TRIM2: variants seen among roughly 807,000 people sequenced by gnomAD.
TRIM2 encodes tripartite motif-containing protein 2.
In TRIM2, 20 loss-of-function variants were observed where a neutral mutation model predicts 75.2. The ratio of observed to expected loss-of-function variants is 0.27; its 90% CI spans 0.19 to 0.39. TRIM2 has a LOEUF of 0.39. Ranked by LOEUF, TRIM2 falls within the 10% of genes least tolerant of loss-of-function variation. TRIM2 has a pLI of 1.00. For synonymous variants in TRIM2, 373 were observed against 388.3 expected, an observed-to-expected ratio of 0.96 and a Z score of 0.46; for missense variants, 660 against 990.8, an observed-to-expected ratio of 0.67 and a Z score of 4.48.
At chr4:153,227,472 A>G (rs934716025) in intron 1 of TRIM2, among the ~76,000 whole-genome samples, 2 of 152,256 alleles carry the variant, frequency 1.3e-5, no homozygotes, top group South Asian at 2.1e-4. Flanking sequence ...ACACAAAGAC[A>G]GAACTGTCTC....
Position 153,336,774 on chromosome 4 carries a change from T to C in TRIM2, c.*1808T>C, listed in dbSNP as rs1772499918. 1.0e-6 allele frequency: 1 copy of C among 985,588 alleles called. No individual in the cohort carries two copies. Among genetic ancestry groups the C allele is most frequent in the Non-Finnish European group, 1.2e-6 (1 of 829,770 alleles). The allele number at this position is 985,588 out of a possible 1,614,324, so 61.1% of individuals were successfully genotyped here. A position where few individuals can be genotyped will look rare whatever the true frequency, so the allele number is the denominator to read the frequency against. ...TTCAAATTGTCTGTTAAATTTATTA[T>C]GCCCAAATCAACCTCTGAAAAAAGG... On this transcript the variant is annotated 3_prime_UTR_variant, in exon 12 of 12. Coordinates refer to ENST00000338700, the MANE Select transcript of TRIM2 (RefSeq NM_015271.5).
intron 6 of TRIM2, among the ~76,000 whole-genome samples, chr4:153,299,265 A>G (rs1390223265): frequency 6.6e-6 from 1 of 152,142 alleles, no homozygotes; most frequent in African/African-American, 2.4e-5. Context: ...TGTGCCTGGC[A>G]TAATGTCCTC....
At chr4:153,333,704 A>G (rs1771994834) in intron 11 of TRIM2, among the ~76,000 whole-genome samples, 1 of 152,230 alleles carries the variant, frequency 6.6e-6, no homozygotes. Context: ...CCAAATACAG[A>G]TCAAAAATTT....
intron 6 of TRIM2, 59 bp downstream of exon 6, chr4:153,296,095 G>T: frequency 1.3e-6 from 2 of 1,493,630 alleles, no homozygotes; most frequent in Non-Finnish European, 1.8e-6. Context: ...GGGTAACTGG[G>T]CACGTGTCAT....
At chr4:153,260,243 T>G (rs529404885) in intron 1 of TRIM2, among the ~76,000 whole-genome samples, 1 of 152,158 alleles carries the variant, frequency 6.6e-6, no homozygotes, top group Admixed American at 6.5e-5. Context: ...AGCCTCTTTG[T>G]GTAGTCCCCA....
intron 11 of TRIM2, among the ~76,000 whole-genome samples, chr4:153,332,054 G>T (rs1771591699): frequency 6.6e-6 from 1 of 152,184 alleles, no homozygotes; most frequent in South Asian, 2.1e-4. Context: ...AATGTTTGAG[G>T]AGATAAACTT....
At chr4:153,156,076 G>T (rs1729203184) in intron 1 of TRIM2, among the ~76,000 whole-genome samples, 1 of 152,162 alleles carries the variant, frequency 6.6e-6, no homozygotes, top group Non-Finnish European at 1.5e-5. Context: ...ACTAATTAAG[G>T]GTAAAGCATT....
chr4:153,206,491 G>A (rs1286067078), intron 1 of TRIM2, among the ~76,000 whole-genome samples: 1 of 152,176 alleles, frequency 6.6e-6, no homozygotes, highest in East Asian at 1.9e-4. Flanking sequence ...CAGGTGAAGA[G>A]ATGGCTAGGG....
At chr4:153,224,651 T>C (rs1741643150) in intron 1 of TRIM2, among the ~76,000 whole-genome samples, 1 of 152,244 alleles carries the variant, frequency 6.6e-6, no homozygotes, top group Admixed American at 6.5e-5. Context: ...ATTCCTGCCT[T>C]TATTTTCCTG....
rs1378548198 is a variant in TRIM2, at chr4:153,322,764, G to A, written c.1899G>A (p.Gly633=). 6.2e-7 allele frequency: 1 copy of A among 1,614,084 alleles called. No individual in the cohort carries two copies. The highest frequency in any genetic ancestry group is 8.5e-7 in the Non-Finnish European group (1 of 1,180,046). Residue 633 remains glycine (G), a synonymous_variant, in exon 9 of 12, where the codon GGG becomes GGA. Transcript: ENST00000338700. ...GCGTGTTTATCTTCCAGCCAAACGGGAAAATAGTCACCAGGTTTGGTAGCC... is the reference window on the plus strand; with the variant it reads ...GCGTGTTTATCTTCCAGCCAAACGGAAAAATAGTCACCAGGTTTGGTAGCC... The part of the protein sequence containing the change: ...ACCVFIFQPN[G]KIVTRFGSRG...
chr4:153,165,150 C>G (rs747154366), intron 1 of TRIM2, among the ~76,000 whole-genome samples: 3 of 152,108 alleles, frequency 2.0e-5, no homozygotes, highest in Non-Finnish European at 2.9e-5. Flanking sequence ...TTATTTCCGC[C>G]CCAAGATGCT....
chr4:153,322,150 C>T (rs1409961500), intron 8 of TRIM2, among the ~76,000 whole-genome samples: 1 of 151,664 alleles, frequency 6.6e-6, no homozygotes, highest in Non-Finnish European at 1.5e-5. Flanking sequence ...GGGCTCATGC[C>T]TGTAATCCCA....
At chr4:153,239,832 CTCT>C (rs1317130736) in intron 1 of TRIM2, among the ~76,000 whole-genome samples, 12 of 139,438 alleles carry the variant, frequency 8.6e-5, no homozygotes, top group African/African-American at 3.2e-4. Context: ...AACTTTCTTT[CTCT>C]TTTTTTTTTT....
chr4:153,244,349 TTCTTCC>T (rs1560874188), intron 1 of TRIM2, among the ~76,000 whole-genome samples: 368 of 30,344 alleles, frequency 0.012, 10 homozygotes, highest in African/African-American at 0.015. Flanking sequence ...CTTCTTCTTC[TTCTTCC>T]TCTTCTTCTT....
chr4:153,203,252 C>T (rs1276100432), upstream of TRIM2, among the ~76,000 whole-genome samples: 1 of 151,898 alleles, frequency 6.6e-6, no homozygotes, highest in Non-Finnish European at 1.5e-5. Flanking sequence ...ATTATAGGTG[C>T]AAGCCTGTAA....
intron 6 of TRIM2, among the ~76,000 whole-genome samples, chr4:153,312,908 C>A (rs2149516516): frequency 6.6e-6 from 1 of 152,148 alleles, no homozygotes; most frequent in East Asian, 1.9e-4. Flanking sequence ...TACCTGTTAC[C>A]TAGCTATTAT....
chr4:153,329,747 G>C (rs538622077), intron 11 of TRIM2, among the ~76,000 whole-genome samples: 21 of 151,956 alleles, frequency 1.4e-4, no homozygotes, highest in African/African-American at 4.6e-4. Context: ...TGAAGCAGGA[G>C]AATCGCTTGA....
In TRIM2 at chr4:153,155,398, T is replaced by A. The variant is rs186575657; in HGVS notation, c.-49+2128T>A. On this transcript the variant is annotated intron_variant, in intron 1 of 11. Transcript: ENST00000437508. ...GTTCTTAATTTTGTCCACTGTACTT[T>A]AAAAAGAATATGCAGAAATTGGAGG... is the stretch of plus-strand genomic sequence containing the variant. Among the ~76,000 whole-genome samples the A allele has an allele frequency of 1.6e-3, 243 of 152,296 alleles. No individual in the cohort carries two copies. The Middle Eastern group carries it at 0.02, about 13-fold the overall frequency.
intron 1 of TRIM2, among the ~76,000 whole-genome samples, chr4:153,199,010 C>T (rs761523296): frequency 6.6e-6 from 1 of 152,208 alleles, no homozygotes; most frequent in African/African-American, 2.4e-5. Context: ...GATGTCATCT[C>T]TCCATCTTTT....
Sources: gnomAD v4.1 joint callset for allele counts (sites outside exome capture counted in the v4.1 genomes callset) on GRCh38, gnomAD v4.1.1 for gene constraint, MANE v1.5 for transcripts, NCBI Gene and HGNC (gene_info 2026-07-23, HGNC 2026-07-21) for gene names.